Variants in ZNF574 observed in about 807,000 individuals in gnomAD.
ZNF574 encodes zinc finger protein 574.
Under a neutral mutation model 56.6 loss-of-function variants are expected in ZNF574, and 25 were observed. The ratio of observed to expected loss-of-function variants is 0.44; its 90% confidence interval spans 0.32 to 0.62. ZNF574 has a LOEUF of 0.62. Ranked by LOEUF, ZNF574 falls within the 20% of genes least tolerant of loss-of-function variation. The probability of loss-of-function intolerance (pLI) is 0.04; values close to 1 mark genes in which losing one functional copy is unlikely to be tolerated. For missense variants in ZNF574, 1,065 were observed against 1,218.9 expected (o/e 0.87, Z 1.88); for synonymous variants, 543 against 492.1 (o/e 1.10, Z -1.37).
At position 42,081,096 on chromosome 19, in the gene ZNF574, C is replaced by T. The variant is rs778531077; in HGVS notation, c.2490C>T (p.Ser830=). 1.9e-6 allele frequency: 3 copies of T among 1,614,202 alleles called. No individual in the cohort carries two copies. Among genetic ancestry groups the T allele is most frequent in the South Asian group, 1.1e-5 (1 of 91,092 alleles). The change falls in exon 2 of 2, where the codon AGC becomes AGT. Residue 830 remains serine, a synonymous_variant. Transcript: ENST00000359044. ...ACTCCTGCCCTGACTGTGGCAAGAGCTACCGCTCCTTCTCCAACCTCTGGA... is the reference window on the plus strand; with the variant it reads ...ACTCCTGCCCTGACTGTGGCAAGAGTTACCGCTCCTTCTCCAACCTCTGGA... ...RPYSCPDCGK[S]YRSFSNLWKH...
At chr19:42,068,687 CAG>C in exon 1 of ZNF574, 1 of 442,940 alleles carries the variant, frequency 2.3e-6, no homozygotes, top group South Asian at 5.0e-5. Flanking sequence ...GGAGTTCTGA[CAG>C]AGAGAGGGAT....
At chr19:42,075,898 C>CGAG (rs913640686), upstream of ZNF574, among the ~76,000 whole-genome samples, 18 of 152,014 alleles carry the variant, frequency 1.2e-4, no homozygotes, top group African/African-American at 4.3e-4. Context: ...GAGGCGGAGT[C>CGAG]GAGGAGGAGG....
chr19:42,074,569 A>G (rs2076444465), upstream of ZNF574: 1 of 152,208 alleles, frequency 6.6e-6, no homozygotes, highest in South Asian at 2.1e-4. Context: ...TGGGGCTCAC[A>G]TGAAATGGGG....
At chr19:42,073,379 G>A (rs2076437154), upstream of ZNF574, among the ~76,000 whole-genome samples, 1 of 151,972 alleles carries the variant, frequency 6.6e-6, no homozygotes, top group African/African-American at 2.4e-5. Flanking sequence ...TTAGGCTCCC[G>A]GAGATACTAA....
At chr19:42,072,723 T>C (rs368070320), upstream of ZNF574, among the ~76,000 whole-genome samples, 1 of 152,152 alleles carries the variant, frequency 6.6e-6, no homozygotes, top group African/African-American at 2.4e-5. Flanking sequence ...TGCACCACCA[T>C]GCCTGACTAA....
At chr19:42,075,684 A>G (rs1205923510), upstream of ZNF574, among the ~76,000 whole-genome samples, 1 of 152,018 alleles carries the variant, frequency 6.6e-6, no homozygotes, top group Non-Finnish European at 1.5e-5. Context: ...CCCTCGGGGA[A>G]ACCACAAAGG....
chr19:42,068,978 G>C (rs1355945994), intron 1 of ZNF574: 1 of 574,780 alleles, frequency 1.7e-6, no homozygotes, highest in African/African-American at 1.9e-5. Context: ...GAGAGCCCAA[G>C]TAAGAGCAAT....
At position 42,080,068 on chromosome 19, in the gene ZNF574, G is replaced by A; in HGVS notation, c.1462G>A (p.Val488Met). 6.2e-7 allele frequency: 1 copy of A among 1,614,152 alleles called. No homozygotes were observed. The highest frequency in any genetic ancestry group is 8.5e-7 in the Non-Finnish European group (1 of 1,180,026). The change falls in exon 2 of 2, where the codon GTG becomes ATG. Residue 488 changes from valine (V) to methionine (M), a missense_variant. Physicochemically the swap from Val to Met is conservative, Grantham distance 21 (BLOSUM62 1). Coordinates refer to ENST00000359044, the MANE Select transcript of ZNF574 (RefSeq NM_022752.6). This position sits in a 1 kb window ranked among gnomAD's most constrained non-coding sequence, Gnocchi z 8.5. ...ALQLTRHQRF[V>M]HRLERRHKCS... ...GCAGCTGACCCGGCACCAACGTTTT[G>A]TGCATCGGCTGGAGCGGCGCCATAA...
At chr19:42,076,789 AT>A (rs1364656361) in intron 1 of ZNF574, among the ~76,000 whole-genome samples, 2 of 151,984 alleles carry the variant, frequency 1.3e-5, no homozygotes, top group African/African-American at 2.4e-5. Context: ...GTGTGAAGAC[AT>A]TAGGAAATCG....
rs776767194 is a variant in ZNF574, at chr19:42,078,663, T to G, written c.57T>G (p.Ser19=). 7 of 1,613,996 alleles carry G rather than the reference T, an allele frequency of 4.3e-6. No homozygotes were observed. In the African/African-American group the frequency reaches 5.3e-5, roughly 12 times the overall value. ...VLYIEHRYVC[S]ECNQLYGSLE... ...ACATTGAGCACCGCTATGTCTGCTC[T>G]GAGTGCAACCAGCTGTATGGATCAC... The change falls in exon 2 of 2, where the codon TCT becomes TCG. Residue 19 remains serine, a synonymous_variant. Transcript: ENST00000359044.
exon 1 of ZNF574, chr19:42,068,805 G>A (rs1396381434): frequency 1.7e-6 from 1 of 601,156 alleles, no homozygotes; most frequent in East Asian, 3.0e-5. Flanking sequence ...CTCAAAAGCG[G>A]AAAGACATAT....
Position 42,080,072 on chromosome 19 carries a change from A to G in ZNF574, c.1466A>G (p.His489Arg). The G allele has an allele frequency of 6.2e-7, 1 of 1,614,162 alleles. No homozygotes were observed. The highest frequency in any genetic ancestry group is 8.5e-7 in the Non-Finnish European group (1 of 1,180,030). ...LQLTRHQRFVHRLERRHKCSI... is the reference protein window; with the variant it reads ...LQLTRHQRFVRRLERRHKCSI... The stretch of plus-strand genomic sequence containing the variant: ...CTGACCCGGCACCAACGTTTTGTGC[A>G]TCGGCTGGAGCGGCGCCATAAATGC... Residue 489 changes from histidine (H) to arginine (R), a missense_variant, in exon 2 of 2, where the codon CAT becomes CGT. Coordinates refer to ENST00000359044, the MANE Select transcript of ZNF574 (RefSeq NM_022752.6). The surrounding 1 kb of genome is among the most constrained non-coding windows in gnomAD (Gnocchi z 8.5).
At chr19:42,068,868 C>A in exon 1 of ZNF574, 1 of 684,058 alleles carries the variant, frequency 1.5e-6, no homozygotes, top group South Asian at 1.5e-5. Flanking sequence ...CCACCGCAGG[C>A]AGAGGATGAG....
In ZNF574 at chr19:42,080,039, C is replaced by G. The variant is rs764000921; in HGVS notation, c.1433C>G (p.Ala478Gly). Reference protein sequence around the residue: ...CLLCSREFGKALQLTRHQRFV... With the variant: ...CLLCSREFGKGLQLTRHQRFV... ...CTGTGCAGCCGTGAATTTGGAAAGG[C>G]CTTGCAGCTGACCCGGCACCAACGT... Residue 478 changes from alanine (A) to glycine (G), a missense_variant, in exon 2 of 2, where the codon GCC becomes GGC. Coordinates refer to ENST00000359044, the MANE Select transcript of ZNF574 (RefSeq NM_022752.6). This position sits in a 1 kb window ranked among gnomAD's most constrained non-coding sequence, Gnocchi z 8.5. 6.2e-7 allele frequency: 1 copy of G among 1,614,172 alleles called. No individual in the cohort carries two copies. The highest frequency in any genetic ancestry group is 1.1e-5 in the South Asian group (1 of 91,086).
chr19:42,080,763 A>C lies in ZNF574; in HGVS notation c.2157A>C (p.Ala719=). ...CTCGTGCACCAGTTGCCTCTCCAGC[A>C]GCCCTTGGAAGCACTGCTACAGCAT... is the stretch of plus-strand genomic sequence containing the variant. ...RATRAPVASP[A]ALGSTATASP... is the part of the protein sequence containing the mutation. Residue 719 remains alanine (A), a synonymous_variant, in exon 2 of 2, where the codon GCA becomes GCC. Coordinates refer to ENST00000359044, the MANE Select transcript of ZNF574 (RefSeq NM_022752.6). This position sits in a 1 kb window ranked among gnomAD's most constrained non-coding sequence, Gnocchi z 8.5. The C allele has an allele frequency of 6.2e-7, 1 of 1,613,966 alleles. No individual in the cohort carries two copies.
intron 1 of ZNF574, among the ~76,000 whole-genome samples, chr19:42,078,010 G>A (rs911627760): frequency 6.6e-6 from 1 of 152,232 alleles, no homozygotes; most frequent in Non-Finnish European, 1.5e-5. Flanking sequence ...GTAAAGGGGA[G>A]GGGTGGCACC....
rs764884854 is a variant in ZNF574 at position 42,081,242 on chromosome 19, A to G, written c.2636A>G (p.Glu879Gly). Reference protein sequence around the residue: ...ETAVEALPLVEAIEIYPLAEA... With the variant: ...ETAVEALPLVGAIEIYPLAEA... The stretch of plus-strand genomic sequence containing the variant: ...GCTGTGGAGGCGCTACCCCTGGTGG[A>G]AGCCATTGAGATCTACCCTCTGGCC... The change falls in exon 2 of 2, where the codon GAA (glutamate) becomes GGA (glycine). Residue 879 changes from glutamate to glycine, a missense_variant. Physicochemically the swap from Glu to Gly is moderately conservative, Grantham distance 98 (BLOSUM62 -2). Transcript: ENST00000359044. The G allele has an allele frequency of 3.7e-6, 6 of 1,613,454 alleles. No individual in the cohort carries two copies. In the South Asian group the frequency reaches 6.6e-5, roughly 18 times the overall value.
upstream of ZNF574, among the ~76,000 whole-genome samples, chr19:42,075,838 C>G (rs536363896): frequency 6.6e-6 from 1 of 152,356 alleles, no homozygotes; most frequent in Non-Finnish European, 1.5e-5. Context: ...GCTCCGCCGC[C>G]TAACGTCATC....
In ZNF574 at chr19:42,079,669, C is replaced by G. The variant is rs2076482596; in HGVS notation, c.1063C>G (p.Leu355Val). The G allele has an allele frequency of 1.2e-6, 2 of 1,614,170 alleles. No individual in the cohort carries two copies. Among genetic ancestry groups the G allele is most frequent in the East Asian group, 2.2e-5 (1 of 44,878 alleles). Residue 355 changes from leucine to valine, a missense_variant, in exon 2 of 2, where the codon CTT (leucine) becomes GTT (valine). By Grantham distance (32) the Leu-to-Val change is conservative. Transcript: ENST00000359044. The surrounding 1 kb of genome is among the most constrained non-coding windows in gnomAD (Gnocchi z 4.3). Reference sequence around the variant, plus strand: ...TAGCCCTTCCAGTCTGGACCAGCACCTTGGAGACCATAGCAGCGAGTCACA... The same window carrying G: ...TAGCCCTTCCAGTCTGGACCAGCACGTTGGAGACCATAGCAGCGAGTCACA... Reference protein sequence around the residue: ...FPSPSSLDQHLGDHSSESHFL... With the variant: ...FPSPSSLDQHVGDHSSESHFL...
Sources: allele counts gnomAD v4.1 joint callset (sites outside exome capture counted in the v4.1 genomes callset), GRCh38; gene constraint gnomAD v4.1.1; non-coding constraint Gnocchi (gnomAD v3.1); transcripts MANE v1.5; gene names NCBI Gene and HGNC (gene_info 2026-07-23, HGNC 2026-07-21).